TENM4: variants seen among roughly 807,000 people sequenced by gnomAD.
TENM4 encodes the protein teneurin-4.
In TENM4, 82 loss-of-function variants were observed where a neutral mutation model predicts 243.3. The observed-to-expected ratio is 0.34, with a 90% CI of 0.28 to 0.40. The LOEUF (loss-of-function observed/expected upper bound fraction) is 0.40, where lower values mean the gene tolerates loss of function less well. TENM4 is among the 10% of genes least tolerant of loss of function. The probability of loss-of-function intolerance (pLI) is 1.00; values close to 1 mark genes in which losing one functional copy is unlikely to be tolerated. For synonymous variants in TENM4, 1,412 were observed against 1,456.3 expected, an observed-to-expected ratio of 0.97 and a Z score of 0.69; for missense variants, 3,138 against 3,673.3, an observed-to-expected ratio of 0.85 and a Z score of 3.77.
chr11:79,191,978 C>T (rs1267488963), intron 3 of TENM4, among the ~76,000 whole-genome samples: 7 of 151,654 alleles, frequency 4.6e-5, no homozygotes, highest in Admixed American at 2.0e-4. Flanking sequence ...CCAGCCGCCC[C>T]GTCGGGGAGG....
chr11:79,125,166 C>A (rs1022352505), intron 4 of TENM4, among the ~76,000 whole-genome samples: 2 of 151,936 alleles, frequency 1.3e-5, no homozygotes, highest in African/African-American at 4.8e-5. Context: ...AAAATAAATC[C>A]ATTTGACACT....
intron 7 of TENM4, among the ~76,000 whole-genome samples, chr11:78,900,531 G>C (rs1855904286): frequency 1.3e-5 from 2 of 152,196 alleles, no homozygotes; most frequent in Admixed American, 1.3e-4. Context: ...GGTGGATATG[G>C]AGAGAAGATG....
intron 6 of TENM4, among the ~76,000 whole-genome samples, chr11:79,024,023 T>C (rs182136722): frequency 2.0e-5 from 3 of 152,356 alleles, no homozygotes; most frequent in East Asian, 1.9e-4. Flanking sequence ...AGTTAGAAAG[T>C]AGGGGAATTA....
At chr11:79,153,140 A>G (rs12274663) in intron 3 of TENM4, among the ~76,000 whole-genome samples, 1 of 152,208 alleles carries the variant, frequency 6.6e-6, no homozygotes, top group Non-Finnish European at 1.5e-5. Flanking sequence ...GTCAGAGAGG[A>G]CCTGTGCTCA....
chr11:79,250,738 T>C (rs1248837772), intron 2 of TENM4, among the ~76,000 whole-genome samples: 2 of 152,238 alleles, frequency 1.3e-5, no homozygotes, highest in Non-Finnish European at 2.9e-5. Flanking sequence ...ATAATTGAAA[T>C]TCTGATGATC....
chr11:78,724,712 C>T (rs912796434), intron 23 of TENM4, among the ~76,000 whole-genome samples: 9 of 152,222 alleles, frequency 5.9e-5, no homozygotes, highest in East Asian at 3.8e-4. Flanking sequence ...GAACAGACCA[C>T]GATCCCTGGC....
At chr11:78,828,885 A>G (rs1262245946) in intron 12 of TENM4, among the ~76,000 whole-genome samples, 1 of 152,252 alleles carries the variant, frequency 6.6e-6, no homozygotes, top group Non-Finnish European at 1.5e-5. Context: ...GGATGAAGTT[A>G]TAATACAAAT....
intron 15 of TENM4, among the ~76,000 whole-genome samples, chr11:78,796,326 C>G (rs192733409): frequency 2.2e-4 from 33 of 152,224 alleles, no homozygotes; most frequent in African/African-American, 7.5e-4. Context: ...CAGGAAAGAA[C>G]TAGTGAGCAA....
chr11:79,079,106 G>A (rs1216244951), intron 4 of TENM4, among the ~76,000 whole-genome samples: 1 of 152,268 alleles, frequency 6.6e-6, no homozygotes, highest in Non-Finnish European at 1.5e-5. Context: ...TACAGAAAGA[G>A]AACTGTCGGG....
chr11:79,385,809 C>A (rs564660207), intron 1 of TENM4, among the ~76,000 whole-genome samples: 1 of 152,260 alleles, frequency 6.6e-6, no homozygotes, highest in East Asian at 1.9e-4. Context: ...CTTTTCCTAA[C>A]ACCATCTCTC....
intron 2 of TENM4, 36 bp from the exon 3 acceptor site, chr11:79,215,945 G>A (rs1864044469): frequency 1.2e-6 from 1 of 824,930 alleles, no homozygotes; most frequent in Non-Finnish European, 1.5e-6. Flanking sequence ...AACTGAGTGA[G>A]GTGGCAAGAT....
At chr11:79,146,178 A>G (rs7118942) in intron 4 of TENM4, among the ~76,000 whole-genome samples, 8,378 of 152,084 alleles carry the variant, frequency 0.055, 333 homozygotes, top group Non-Finnish European at 0.078. Flanking sequence ...CCACAATTTG[A>G]AGCACCCTGT....
intron 1 of TENM4, among the ~76,000 whole-genome samples, chr11:79,318,860 T>C (rs916204886): frequency 5.9e-5 from 9 of 152,142 alleles, no homozygotes; most frequent in African/African-American, 2.2e-4. Flanking sequence ...CAAAACTCCA[T>C]AGAAGAAAAC....
chr11:79,010,086 T>C (rs1858603173), intron 6 of TENM4, among the ~76,000 whole-genome samples: 1 of 152,158 alleles, frequency 6.6e-6, no homozygotes, highest in African/African-American at 2.4e-5. Flanking sequence ...TCCCCAGCCA[T>C]ATGGAACTGT....
At chr11:79,261,415 G>A (rs1165790325) in intron 2 of TENM4, among the ~76,000 whole-genome samples, 1 of 152,190 alleles carries the variant, frequency 6.6e-6, no homozygotes, top group Non-Finnish European at 1.5e-5. Context: ...GCCTGTTCCT[G>A]TGAATTCCTT....
intron 14 of TENM4, among the ~76,000 whole-genome samples, chr11:78,805,782 A>T (rs1034966865): frequency 2.0e-5 from 3 of 152,158 alleles, no homozygotes; most frequent in African/African-American, 7.2e-5. Context: ...TTCACTTCTG[A>T]ATCTCCACCT....
intron 6 of TENM4, among the ~76,000 whole-genome samples, chr11:78,968,570 T>C (rs899991910): frequency 2.0e-5 from 3 of 152,186 alleles, no homozygotes; most frequent in Non-Finnish European, 4.4e-5. Flanking sequence ...CTAACACAGT[T>C]AGGGAGTGCA....
At chr11:79,286,793 T>C (rs1856262567) in intron 2 of TENM4, among the ~76,000 whole-genome samples, 1 of 152,248 alleles carries the variant, frequency 6.6e-6, no homozygotes, top group African/African-American at 2.4e-5. Flanking sequence ...TCTTCATTTA[T>C]TTCCTCAAAC....
rs528882141 is a variant in TENM4, at chr11:78,819,213, C to T, written c.1682-4818G>A. ...CACAGAGGCCTCAGGGAACCCACTG[C>T]GGTGCCCGTTTTGACTGTTCACTAC... On this transcript the variant is annotated intron_variant, in intron 12 of 33. Coordinates refer to ENST00000278550, the MANE Select transcript of TENM4 (RefSeq NM_001098816.3). Among the ~76,000 whole-genome samples the T allele has an allele frequency of 1.7e-3, 260 of 152,240 alleles. 1 individual carries two copies. Among genetic ancestry groups the T allele is most frequent in the Middle Eastern group, 3.4e-3 (1 of 294 alleles).
Sources: gnomAD v4.1 joint callset for allele counts (sites outside exome capture counted in the v4.1 genomes callset) on GRCh38, gnomAD v4.1.1 for gene constraint, MANE v1.5 for transcripts, NCBI Gene and HGNC (gene_info 2026-07-23, HGNC 2026-07-21) for gene names.